The following RANBP3L variants were observed in gnomAD, a reference collection of about 807,000 sequenced individuals.
RANBP3L encodes the protein ran-binding protein 3-like.
Under a neutral mutation model 67.2 loss-of-function variants are expected in RANBP3L, and 56 were observed. The observed-to-expected ratio is 0.83, with a 90% CI of 0.67 to 1.04. RANBP3L has a LOEUF of 1.04. RANBP3L is among the 50% of genes least tolerant of loss of function. The pLI is 0.00. For synonymous variants in RANBP3L, 164 were observed against 181.4 expected, an observed-to-expected ratio of 0.90 and a Z score of 0.77; for missense variants, 496 against 535.5, an observed-to-expected ratio of 0.93 and a Z score of 0.73.
intron 1 of RANBP3L, among the ~76,000 whole-genome samples, chr5:36,294,238 G>A (rs1170366588): frequency 1.6e-4 from 25 of 151,948 alleles, no homozygotes; most frequent in South Asian, 6.2e-4. Flanking sequence ...CTGTGGGATC[G>A]GTGGTGATAT....
rs201055317 is a variant in RANBP3L, at chr5:36,265,481, T to G, written c.308A>C (p.Gln103Pro). 2 of 1,606,322 alleles carry G rather than the reference T, an allele frequency of 1.2e-6. No homozygotes were observed. The highest frequency in any genetic ancestry group is 2.2e-5 in the East Asian group (1 of 44,804). Residue 103 changes from glutamine to proline, a missense_variant, in exon 5 of 14, where the codon CAA becomes CCA. Gln to Pro is a moderately conservative substitution (Grantham distance 76). Transcript: ENST00000296604. The part of the protein sequence containing the change: ...NNVFMTSALV[Q>P]SSVDIKSAEQ... ...AGCACTCTTTATATCAACACTACTT[T>G]GCACAAGAGCTGATGTCATAAAAAC...
chr5:36,282,579 A>T (rs1043823661), intron 1 of RANBP3L, among the ~76,000 whole-genome samples: 1 of 152,190 alleles, frequency 6.6e-6, no homozygotes, highest in African/African-American at 2.4e-5. Flanking sequence ...CCAATTCTAA[A>T]ACTCATTTCT....
chr5:36,252,852 G>A (rs1748693118), intron 12 of RANBP3L, among the ~76,000 whole-genome samples: 1 of 151,996 alleles, frequency 6.6e-6, no homozygotes, highest in African/African-American at 2.4e-5. Flanking sequence ...TACACTTACT[G>A]GTAGCTAATA....
intron 13 of RANBP3L, among the ~76,000 whole-genome samples, chr5:36,250,815 A>G (rs539559664): frequency 2.0e-4 from 30 of 152,240 alleles, no homozygotes; most frequent in Non-Finnish European, 4.0e-4. Context: ...GAATCCTGAT[A>G]CAATAAAAGA....
chr5:36,277,333 G>T (rs1308855961), intron 1 of RANBP3L, among the ~76,000 whole-genome samples: 1 of 151,688 alleles, frequency 6.6e-6, no homozygotes, highest in Non-Finnish European at 1.5e-5. Flanking sequence ...ATGGATTTTA[G>T]AGCTTGGAAG....
rs1189009716 is a variant in RANBP3L, at chr5:36,258,622, TCCTTTATAAG to T, written c.670-1076_670-1067del. 2.0e-5 allele frequency among the ~76,000 whole-genome samples: 3 copies of T among 152,210 alleles called. No individual in the cohort carries two copies. The East Asian group carries it at 5.8e-4, about 29-fold the overall frequency. The stretch of plus-strand genomic sequence containing the variant: ...ACCAACTTAAAGAGATAGTTCAGGT[TCCTTTATAAG>T]CCTTTATAAGTTGAGGTTCCTTTAA... On this transcript the variant is annotated intron_variant, in intron 8 of 13. Coordinates refer to ENST00000296604, the MANE Select transcript of RANBP3L (RefSeq NM_145000.5).
chr5:36,247,122 G>C lies in RANBP3L; in HGVS notation c.*2532C>G, dbSNP rs1172044360. 6.6e-6 allele frequency among the ~76,000 whole-genome samples: 1 copy of C among 152,262 alleles called. No individual in the cohort carries two copies. The highest frequency in any genetic ancestry group is 2.4e-5 in the African/African-American group (1 of 41,536). On this transcript the variant is annotated 3_prime_UTR_variant, in exon 14 of 14. Coordinates refer to ENST00000296604, the MANE Select transcript of RANBP3L (RefSeq NM_145000.5). ...ATAACTTATGAAAATGGATGTTATT[G>C]TACAACTCATCTCTCCTTATAAAAG...
At chr5:36,299,335 ATG>A (rs368964724) in intron 1 of RANBP3L, among the ~76,000 whole-genome samples, 3,383 of 145,296 alleles carry the variant, frequency 0.023, 119 homozygotes, top group African/African-American at 0.08. Flanking sequence ...ACATACATAT[ATG>A]TGTGTGTGTG....
In RANBP3L at chr5:36,295,879, G is replaced by A. The variant is rs371454334; in HGVS notation, c.91+5447C>T. ...AGCCCAAACATGTGATTAGAGATTGGAAATTTCAAACCCACCCCATTCCCC... is the reference window on the plus strand; with the variant it reads ...AGCCCAAACATGTGATTAGAGATTGAAAATTTCAAACCCACCCCATTCCCC... On this transcript the variant is annotated intron_variant, in intron 1 of 13. Coordinates refer to ENST00000296604, the MANE Select transcript of RANBP3L (RefSeq NM_145000.5). 9.9e-5 allele frequency among the ~76,000 whole-genome samples: 15 copies of A among 152,114 alleles called. No homozygotes were observed. The East Asian group carries it at 1.2e-3, about 12-fold the overall frequency.
chr5:36,296,125 G>T (rs1752200021), intron 1 of RANBP3L, among the ~76,000 whole-genome samples: 1 of 152,086 alleles, frequency 6.6e-6, no homozygotes, highest in African/African-American at 2.4e-5. Context: ...TCTTCATCTG[G>T]CTGACCATTT....
At chr5:36,278,153 G>A (rs1404051896) in intron 1 of RANBP3L, among the ~76,000 whole-genome samples, 1 of 152,020 alleles carries the variant, frequency 6.6e-6, no homozygotes, top group African/African-American at 2.4e-5. Flanking sequence ...TTAGCTCTGG[G>A]GGAAGTGCCT....
At chr5:36,264,491 A>G (rs1205672201) in intron 6 of RANBP3L, among the ~76,000 whole-genome samples, 1 of 152,098 alleles carries the variant, frequency 6.6e-6, no homozygotes, top group Non-Finnish European at 1.5e-5. Flanking sequence ...AGGCTTCCCA[A>G]ACCCTCCCAA....
intron 1 of RANBP3L, among the ~76,000 whole-genome samples, chr5:36,293,049 C>T (rs1268976411): frequency 7.9e-6 from 1 of 126,296 alleles, no homozygotes; most frequent in East Asian, 2.0e-4. Context: ...AATGTTCTTC[C>T]ATTTGTTTGT....
intron 1 of RANBP3L, among the ~76,000 whole-genome samples, chr5:36,288,437 A>G (rs1325967302): frequency 6.6e-6 from 1 of 152,198 alleles, no homozygotes; most frequent in Non-Finnish European, 1.5e-5. Flanking sequence ...AAAATCTGCT[A>G]CGAGCATTCT....
chr5:36,291,471 CA>C (rs1156587481), intron 1 of RANBP3L, among the ~76,000 whole-genome samples: 5 of 151,566 alleles, frequency 3.3e-5, no homozygotes, highest in African/African-American at 1.2e-4. Flanking sequence ...CATATGTATA[CA>C]TATGCCATGC....
chr5:36,285,325 G>T (rs1751244906), intron 1 of RANBP3L, among the ~76,000 whole-genome samples: 2 of 152,146 alleles, frequency 1.3e-5, no homozygotes, highest in South Asian at 4.1e-4. Flanking sequence ...GTCTCCTAGT[G>T]GAACTTATCA....
At chr5:36,267,954 A>C (rs1467246977) in intron 4 of RANBP3L, among the ~76,000 whole-genome samples, 1 of 152,226 alleles carries the variant, frequency 6.6e-6, no homozygotes. Flanking sequence ...TAATACTGTT[A>C]TAAATGTGAA....
chr5:36,268,834 A>T (rs1011057768), intron 4 of RANBP3L, among the ~76,000 whole-genome samples: 6 of 151,684 alleles, frequency 4.0e-5, no homozygotes, highest in African/African-American at 1.5e-4. Flanking sequence ...CCAACCTCCC[A>T]AGTAGCTGGG....
intron 3 of RANBP3L, among the ~76,000 whole-genome samples, chr5:36,269,688 T>C (rs1750072726): frequency 6.6e-6 from 1 of 152,176 alleles, no homozygotes. Context: ...AGCAATAATT[T>C]GTATATGCAT....
Sources: gnomAD v4.1 joint callset for allele counts (sites outside exome capture counted in the v4.1 genomes callset) on GRCh38, gnomAD v4.1.1 for gene constraint, MANE v1.5 for transcripts, NCBI Gene and HGNC (gene_info 2026-07-23, HGNC 2026-07-21) for gene names.